Variants in ANKIB1 observed in about 807,000 individuals in gnomAD.
The protein encoded by ANKIB1 is ankyrin repeat and IBR domain containing 1, also known as ankyrin repeat and IBR domain-containing protein 1.
ANKIB1 carries 43 observed loss-of-function variants against 122.1 expected under a neutral mutation model. The observed-to-expected ratio is 0.35, with a 90% CI of 0.28 to 0.45. The LOEUF is 0.45. Among genes scored for constraint, ANKIB1 ranks in the 20% least tolerant of loss-of-function variants. The probability of loss-of-function intolerance (pLI) is 1.00; values close to 1 mark genes in which losing one functional copy is unlikely to be tolerated. For missense variants in ANKIB1, 992 were observed against 1,329.5 expected (o/e 0.75, Z 3.95); for synonymous variants, 390 against 442.0 (o/e 0.88, Z 1.48).
chr7:92,273,473 A>G (rs953444305), intron 1 of ANKIB1, among the ~76,000 whole-genome samples: 3 of 152,228 alleles, frequency 2.0e-5, no homozygotes, highest in African/African-American at 4.8e-5. Context: ...AACCTCTCCT[A>G]GATCACCCAG....
At chr7:92,286,635 A>G (rs917153553) in intron 1 of ANKIB1, among the ~76,000 whole-genome samples, 11 of 152,202 alleles carry the variant, frequency 7.2e-5, no homozygotes, top group African/African-American at 1.9e-4. Context: ...ATGCACCACC[A>G]TGCCCAGCTA....
intron 7 of ANKIB1, among the ~76,000 whole-genome samples, chr7:92,347,518 T>A (rs906107681): frequency 9.9e-5 from 15 of 152,054 alleles, no homozygotes; most frequent in African/African-American, 1.7e-4. Context: ...GGCAGAAGGA[T>A]CACTTGAGCC....
chr7:92,363,794 G>A lies in ANKIB1; in HGVS notation c.1486+1521G>A, dbSNP rs75291964. ...TCCTCAGCATTTTAGATCTACGAGG[G>A]TCATTTTGTCCACTGACTCAGGGTT... On this transcript the variant is annotated intron_variant, in intron 10 of 19. Transcript: ENST00000265742. Among the ~76,000 whole-genome samples, 50 of 151,912 alleles carry A rather than the reference G, an allele frequency of 3.3e-4. No individual in the cohort carries two copies. In the East Asian group the frequency reaches 0.01, roughly 30 times the overall value.
At chr7:92,353,501 A>G (rs1803709275) in intron 9 of ANKIB1, among the ~76,000 whole-genome samples, 2 of 152,246 alleles carry the variant, frequency 1.3e-5, no homozygotes, top group African/African-American at 4.8e-5. Context: ...TTCCAGAATT[A>G]GCACATATGC....
At position 92,298,917 on chromosome 7, in the gene ANKIB1, A is replaced by G. The variant is rs991928998; in HGVS notation, c.188+3751A>G. On this transcript the variant is annotated intron_variant, in intron 2 of 19. Transcript: ENST00000265742. Reference sequence around the variant, plus strand: ...GGTATGCATAAAGCATTTCTGCTACATACCAGAATACGACGATGGCTCTGA... The same window carrying G: ...GGTATGCATAAAGCATTTCTGCTACGTACCAGAATACGACGATGGCTCTGA... 1.5e-4 allele frequency among the ~76,000 whole-genome samples: 23 copies of G among 152,262 alleles called. 1 individual carries two copies. The highest frequency in any genetic ancestry group is 5.9e-4 in the Admixed American group (9 of 15,290).
intron 1 of ANKIB1, among the ~76,000 whole-genome samples, chr7:92,247,204 G>A (rs1801133708): frequency 6.6e-6 from 1 of 152,208 alleles, no homozygotes; most frequent in African/African-American, 2.4e-5. Flanking sequence ...TTTCAGAAGA[G>A]CTTTACTGGT....
chr7:92,356,200 C>T (rs1186110633), intron 9 of ANKIB1, among the ~76,000 whole-genome samples: 1 of 152,188 alleles, frequency 6.6e-6, no homozygotes, highest in Non-Finnish European at 1.5e-5. Flanking sequence ...TCTGCACAGA[C>T]CTCACAGGCC....
At chr7:92,324,730 TTTTAA>T (rs1284289624) in intron 4 of ANKIB1, among the ~76,000 whole-genome samples, 1 of 152,168 alleles carries the variant, frequency 6.6e-6, no homozygotes, top group Non-Finnish European at 1.5e-5. Context: ...TTCAGCTGAG[TTTTAA>T]TTTAGTTAAT....
chr7:92,260,082 T>C (rs1562762782), intron 1 of ANKIB1, among the ~76,000 whole-genome samples: 2 of 152,334 alleles, frequency 1.3e-5, no homozygotes, highest in Non-Finnish European at 1.5e-5. Flanking sequence ...AATGTAAGTC[T>C]GGTCATTTCA....
chr7:92,336,053 G>A (rs1803280866), intron 5 of ANKIB1, among the ~76,000 whole-genome samples: 1 of 151,992 alleles, frequency 6.6e-6, no homozygotes, highest in Non-Finnish European at 1.5e-5. Flanking sequence ...TTGCAACTAT[G>A]TATGTACATT....
intron 17 of ANKIB1, among the ~76,000 whole-genome samples, chr7:92,392,501 GT>G (rs1309805039): frequency 2.6e-5 from 4 of 151,810 alleles, no homozygotes; most frequent in Admixed American, 6.6e-5. Flanking sequence ...CTCTTTTATT[GT>G]TTTTAATTAC....
At position 92,385,601 on chromosome 7, in the gene ANKIB1, A is replaced by G. The variant is rs528236944; in HGVS notation, c.1618-908A>G. ...TTGTAGCCACATGGATGAAGCTGGAAACCATTATTCTGAGCAAACTATCAC... is the reference window on the plus strand; with the variant it reads ...TTGTAGCCACATGGATGAAGCTGGAGACCATTATTCTGAGCAAACTATCAC... On this transcript the variant is annotated intron_variant, in intron 11 of 19. Coordinates refer to ENST00000265742, the MANE Select transcript of ANKIB1 (RefSeq NM_019004.2). Among the ~76,000 whole-genome samples, 50 of 152,354 alleles carry G rather than the reference A, an allele frequency of 3.3e-4. 2 individuals carry two copies. The South Asian group carries it at 0.01, about 31-fold the overall frequency.
At chr7:92,264,395 AT>A (rs879654991) in intron 1 of ANKIB1, among the ~76,000 whole-genome samples, 102 of 147,092 alleles carry the variant, frequency 6.9e-4, no homozygotes, top group Admixed American at 7.5e-4. Context: ...GTCAATAAAA[AT>A]TTTTTTTTTT....
At chr7:92,305,707 C>T (rs939127131) in intron 2 of ANKIB1, among the ~76,000 whole-genome samples, 10 of 152,008 alleles carry the variant, frequency 6.6e-5, no homozygotes, top group African/African-American at 9.7e-5. Flanking sequence ...AGTGTACTGC[C>T]GGCATCAGAA....
At chr7:92,290,589 T>C (rs1414136975) in intron 1 of ANKIB1, among the ~76,000 whole-genome samples, 1 of 152,140 alleles carries the variant, frequency 6.6e-6, no homozygotes, top group African/African-American at 2.4e-5. Context: ...TTATATACTT[T>C]TATATGGTTA....
At chr7:92,385,761 T>G (rs1304024313) in intron 11 of ANKIB1, among the ~76,000 whole-genome samples, 1 of 152,072 alleles carries the variant, frequency 6.6e-6, no homozygotes, top group Non-Finnish European at 1.5e-5. Flanking sequence ...AGGATAGCAT[T>G]AGGAGAAATA....
At chr7:92,334,212 A>C (rs2131965149) in intron 5 of ANKIB1, among the ~76,000 whole-genome samples, 1 of 152,288 alleles carries the variant, frequency 6.6e-6, no homozygotes, top group East Asian at 1.9e-4. Context: ...AATGCATTAC[A>C]GAGACTTAAA....
intron 7 of ANKIB1, among the ~76,000 whole-genome samples, chr7:92,347,342 G>A (rs1803562473): frequency 6.6e-6 from 1 of 152,080 alleles, no homozygotes. Flanking sequence ...ATTATTGTTA[G>A]TGTATTTTTT....
At chr7:92,262,011 G>A (rs1259421808) in intron 1 of ANKIB1, among the ~76,000 whole-genome samples, 2 of 152,098 alleles carry the variant, frequency 1.3e-5, no homozygotes, top group Non-Finnish European at 2.9e-5. Flanking sequence ...CTGTTATACT[G>A]TGCCCTTCAT....
Sources: allele counts gnomAD v4.1 joint callset (sites outside exome capture counted in the v4.1 genomes callset), GRCh38; gene constraint gnomAD v4.1.1; transcripts MANE v1.5; gene names NCBI Gene and HGNC (gene_info 2026-07-23, HGNC 2026-07-21).